The following KIF26B variants were observed in gnomAD, a reference collection of about 807,000 sequenced individuals.
The protein encoded by KIF26B is kinesin-like protein KIF26B.
In KIF26B, 63 loss-of-function variants were observed where a neutral mutation model predicts 151.2. That is an observed-to-expected ratio of 0.42 (90% CI 0.34 to 0.51). The LOEUF is 0.51. Ranked by LOEUF, KIF26B falls within the 20% of genes least tolerant of loss-of-function variation. KIF26B has a pLI of 0.07. For missense variants in KIF26B, 2,813 were observed against 2,913.6 expected (o/e 0.97, Z 0.79); for synonymous variants, 1,357 against 1,262.1 (o/e 1.08, Z -1.59).
chr1:245,371,581 T>C (rs908417827), intron 3 of KIF26B: 8 of 152,224 alleles, frequency 5.3e-5, no homozygotes, highest in African/African-American at 1.9e-4. Context: ...GTCGCAAGGA[T>C]GAAAACGATG....
intron 2 of KIF26B, among the ~76,000 whole-genome samples, chr1:245,164,032 G>A (rs1220251506): frequency 2.0e-5 from 3 of 152,034 alleles, no homozygotes; most frequent in Non-Finnish European, 4.4e-5. Context: ...TTACATAATA[G>A]CGATATAGTG....
chr1:245,613,773 T>A (rs972957979), intron 9 of KIF26B, among the ~76,000 whole-genome samples: 39 of 152,178 alleles, frequency 2.6e-4, no homozygotes, highest in Admixed American at 1.7e-3. Flanking sequence ...CCTCGGTGCC[T>A]CTCTTCCTAC....
intron 5 of KIF26B, among the ~76,000 whole-genome samples, chr1:245,562,042 T>TG (rs918108598): frequency 1.3e-5 from 2 of 152,088 alleles, no homozygotes; most frequent in African/African-American, 2.4e-5. Context: ...CCAGATGACC[T>TG]GGGGGGCATC....
chr1:245,396,273 G>A (rs1673839557), intron 3 of KIF26B, among the ~76,000 whole-genome samples: 1 of 152,130 alleles, frequency 6.6e-6, no homozygotes, highest in African/African-American at 2.4e-5. Context: ...GTTTTGTTAA[G>A]GGGCAGTCAT....
chr1:245,650,883 G>A (rs533918401), intron 10 of KIF26B, among the ~76,000 whole-genome samples: 21 of 152,134 alleles, frequency 1.4e-4, no homozygotes, highest in Non-Finnish European at 2.4e-4. Context: ...ATCCTGTCGT[G>A]GAAATGATGC....
chr1:245,566,667 C>A (rs2043013743), intron 5 of KIF26B, among the ~76,000 whole-genome samples: 1 of 152,168 alleles, frequency 6.6e-6, no homozygotes, highest in African/African-American at 2.4e-5. Flanking sequence ...TGGTGGCTCA[C>A]ACTTGTAATC....
intron 2 of KIF26B, among the ~76,000 whole-genome samples, chr1:245,259,892 A>G (rs115179269): frequency 3.4e-3 from 489 of 144,274 alleles, no homozygotes; most frequent in African/African-American, 0.012. Flanking sequence ...ACAAGATTGC[A>G]CTGCTGCACC....
chr1:245,635,626 T>C, intron 9 of KIF26B, among the ~76,000 whole-genome samples: 1 of 120,506 alleles, frequency 8.3e-6, no homozygotes, highest in African/African-American at 3.6e-5. Context: ...ATTTCTGCTA[T>C]TTTTTTTCCT....
At chr1:245,639,192 G>A (rs2043862956) in intron 9 of KIF26B, among the ~76,000 whole-genome samples, 1 of 151,466 alleles carries the variant, frequency 6.6e-6, no homozygotes, top group African/African-American at 2.4e-5. Context: ...CTTCACAGTT[G>A]AGTTTTGGTA....
intron 4 of KIF26B, among the ~76,000 whole-genome samples, chr1:245,475,124 G>T (rs1660007348): frequency 1.3e-5 from 2 of 151,736 alleles, no homozygotes; most frequent in Non-Finnish European, 2.9e-5. Flanking sequence ...CTGACAAACA[G>T]CTCTGTCCGT....
chr1:245,561,929 G>A (rs573278567), intron 5 of KIF26B, among the ~76,000 whole-genome samples: 7 of 152,158 alleles, frequency 4.6e-5, no homozygotes, highest in Non-Finnish European at 7.4e-5. Context: ...CCATCCCAAG[G>A]CTCTTTACAG....
intron 5 of KIF26B, among the ~76,000 whole-genome samples, chr1:245,566,098 C>G (rs2103119851): frequency 6.6e-6 from 1 of 152,358 alleles, no homozygotes; most frequent in South Asian, 2.1e-4. Flanking sequence ...ATGATCCAGT[C>G]ACCTCCCAGC....
In KIF26B at chr1:245,609,372, G is replaced by T; in HGVS notation, c.1758G>T (p.Lys586Asn). The T allele has an allele frequency of 6.2e-7, 1 of 1,610,282 alleles. No homozygotes were observed. Among genetic ancestry groups the T allele is most frequent in the Non-Finnish European group, 8.5e-7 (1 of 1,178,342 alleles). Residue 586 changes from lysine to asparagine, a missense_variant, in exon 8 of 15, where the codon AAG becomes AAT. Lys to Asn is a moderately conservative substitution (Grantham distance 94). Coordinates refer to ENST00000407071, the MANE Select transcript of KIF26B (RefSeq NM_018012.4). ...AGCTCATAAACGAACGCAAGGAAAA[G>T]ACCGGCGCCCGTTTCTCAGTCCGGG... ...LFKLINERKE[K>N]TGARFSVRVS... is the part of the protein sequence containing the mutation.
intron 2 of KIF26B, among the ~76,000 whole-genome samples, chr1:245,304,453 T>C (rs1177745068): frequency 6.6e-6 from 1 of 152,198 alleles, no homozygotes; most frequent in Non-Finnish European, 1.5e-5. Flanking sequence ...ATGCAGTTGG[T>C]ATCATTTTAG....
chr1:245,237,554 C>T (rs1670133362), intron 2 of KIF26B, among the ~76,000 whole-genome samples: 2 of 152,000 alleles, frequency 1.3e-5, no homozygotes, highest in Non-Finnish European at 2.9e-5. Flanking sequence ...CAGCCGGGGC[C>T]CAGGGGGTCT....
intron 3 of KIF26B, among the ~76,000 whole-genome samples, chr1:245,378,630 A>C (rs566561590): frequency 6.6e-6 from 1 of 152,332 alleles, no homozygotes; most frequent in African/African-American, 2.4e-5. Context: ...TGCAGGCTCC[A>C]TGGTGAGCAG....
chr1:245,226,461 TTTTTTTTTG>T (rs1669876145), intron 2 of KIF26B, among the ~76,000 whole-genome samples: 1 of 151,896 alleles, frequency 6.6e-6, no homozygotes, highest in African/African-American at 2.4e-5. Context: ...TGCACCTCTT[TTTTTTTTTG>T]TTTTTTTGTA....
chr1:245,700,870 C>T (rs1377368954), intron 14 of KIF26B, among the ~76,000 whole-genome samples: 1 of 152,218 alleles, frequency 6.6e-6, no homozygotes, highest in Non-Finnish European at 1.5e-5. Flanking sequence ...CTGCGGATAC[C>T]CTTTTCCTTG....
chr1:245,689,143 C>T (rs962021050), intron 12 of KIF26B, among the ~76,000 whole-genome samples: 5 of 152,194 alleles, frequency 3.3e-5, no homozygotes, highest in Admixed American at 2.0e-4. Context: ...GGTGGAAAGG[C>T]GAGGGCCCGG....
Sources: gnomAD v4.1 joint callset for allele counts (sites outside exome capture counted in the v4.1 genomes callset) on GRCh38, gnomAD v4.1.1 for gene constraint, MANE v1.5 for transcripts, NCBI Gene and HGNC (gene_info 2026-07-23, HGNC 2026-07-21) for gene names.